Variants in MAML2 observed in about 807,000 individuals in gnomAD.
MAML2 encodes the protein mastermind like transcriptional coactivator 2.
MAML2 carries 22 observed loss-of-function variants against 96.1 expected under a neutral mutation model. The observed-to-expected ratio is 0.23, with a 90% CI of 0.16 to 0.33. The LOEUF is 0.33. MAML2 is among the 10% of genes least tolerant of loss of function. MAML2 has a pLI of 1.00. For missense variants in MAML2, 1,367 were observed against 1,392.4 expected (o/e 0.98, Z 0.29); for synonymous variants, 561 against 521.3 (o/e 1.08, Z -1.04).
chr11:96,262,063 A>C (rs565559304), intron 1 of MAML2, among the ~76,000 whole-genome samples: 1 of 152,344 alleles, frequency 6.6e-6, no homozygotes, highest in East Asian at 1.9e-4. Flanking sequence ...GTCCCAACCA[A>C]CATCTACTGA....
At chr11:96,260,376 C>G (rs956123061) in intron 1 of MAML2, among the ~76,000 whole-genome samples, 2 of 152,210 alleles carry the variant, frequency 1.3e-5, no homozygotes, top group Non-Finnish European at 2.9e-5. Flanking sequence ...ACACCCTTCT[C>G]AACTGTCTTA....
At chr11:96,270,978 T>A (rs567122670) in intron 1 of MAML2, among the ~76,000 whole-genome samples, 1 of 152,186 alleles carries the variant, frequency 6.6e-6, no homozygotes, top group Admixed American at 6.5e-5. Flanking sequence ...ACTTGCTGAG[T>A]CTTCTGGCCT....
rs577234586 is a variant in MAML2 at position 96,162,185 on chromosome 11, T to A, written c.514-68668A>T. On this transcript the variant is annotated intron_variant, in intron 1 of 4. Coordinates refer to ENST00000524717, the MANE Select transcript of MAML2 (RefSeq NM_032427.4). ...TACTTTATCAATCTAACTTTTTTTTTTTTTTTTTTTTTTTCTGCAATGAAC... is the reference window on the plus strand; with the variant it reads ...TACTTTATCAATCTAACTTTTTTTTATTTTTTTTTTTTTTCTGCAATGAAC... Among the ~76,000 whole-genome samples the A allele has an allele frequency of 2.0e-5, 3 of 149,984 alleles. No homozygotes were observed. The South Asian group carries it at 6.3e-4, about 32-fold the overall frequency.
At position 96,062,223 on chromosome 11, in the gene MAML2, G is replaced by A. The variant is rs116220211; in HGVS notation, c.2139+29669C>T. ...GGAAACAGAAAATTACTACAACTGT[G>A]ATGTGGCATTTATAATAAGTGCCTC... is the stretch of plus-strand genomic sequence containing the variant. On this transcript the variant is annotated intron_variant, in intron 2 of 4. Transcript: ENST00000524717. Among the ~76,000 whole-genome samples, 642 of 152,292 alleles carry A rather than the reference G, an allele frequency of 4.2e-3. 4 individuals are homozygous for A. The highest frequency in any genetic ancestry group is 0.015 in the African/African-American group (609 of 41,558).
chr11:96,024,697 A>T (rs934446095), intron 2 of MAML2, among the ~76,000 whole-genome samples: 6 of 152,170 alleles, frequency 3.9e-5, no homozygotes, highest in African/African-American at 1.4e-4. Context: ...CCTAAGGATC[A>T]TTTTTGGCTG....
chr11:96,145,296 T>A (rs1329729805), intron 1 of MAML2, among the ~76,000 whole-genome samples: 1 of 152,232 alleles, frequency 6.6e-6, no homozygotes, highest in Non-Finnish European at 1.5e-5. Context: ...ATGATATTGC[T>A]AAACCCTGTA....
intron 1 of MAML2, among the ~76,000 whole-genome samples, chr11:96,291,039 G>A: frequency 6.7e-6 from 1 of 149,054 alleles, no homozygotes. Flanking sequence ...AAAAAAGTTG[G>A]TAAATAAAGA....
At chr11:96,093,592 G>T in intron 1 of MAML2, 75 bp from the exon 2 acceptor site, 1 of 1,095,104 alleles carries the variant, frequency 9.1e-7, no homozygotes, top group Non-Finnish European at 1.3e-6. Context: ...AAAGTGATGT[G>T]ATATTTAAAT....
chr11:96,018,529 G>C (rs1858389006), intron 2 of MAML2, among the ~76,000 whole-genome samples: 1 of 152,218 alleles, frequency 6.6e-6, no homozygotes, highest in South Asian at 2.1e-4. Context: ...TAGCAAAGGA[G>C]AGTGCAAACC....
intron 1 of MAML2, among the ~76,000 whole-genome samples, chr11:96,196,667 C>T (rs972979668): frequency 1.3e-5 from 2 of 152,220 alleles, no homozygotes; most frequent in East Asian, 1.9e-4. Context: ...TATTACTTCT[C>T]GGCTGCCCCT....
chr11:96,076,430 T>TCACA (rs1248476184), intron 2 of MAML2, among the ~76,000 whole-genome samples: 24 of 136,516 alleles, frequency 1.8e-4, no homozygotes, highest in African/African-American at 5.8e-4. Flanking sequence ...TCTCTCTCTC[T>TCACA]CTCACACACA....
At chr11:96,053,761 C>T (rs572845316) in intron 2 of MAML2, among the ~76,000 whole-genome samples, 2 of 152,250 alleles carry the variant, frequency 1.3e-5, no homozygotes, top group South Asian at 2.1e-4. Flanking sequence ...AAGGAAGGGG[C>T]GACATTCTCC....
At chr11:96,217,094 C>T (rs755647895) in intron 1 of MAML2, among the ~76,000 whole-genome samples, 18 of 152,160 alleles carry the variant, frequency 1.2e-4, no homozygotes, top group African/African-American at 2.9e-4. Flanking sequence ...GATGCATAAG[C>T]GCATCCAACA....
chr11:96,124,066 C>CAGCAACG (rs1860395920), intron 1 of MAML2, among the ~76,000 whole-genome samples: 1 of 123,952 alleles, frequency 8.1e-6, no homozygotes, highest in East Asian at 2.3e-4. Context: ...AACGAGCAAC[C>CAGCAACG]AGCAACGAGC....
At chr11:96,114,331 CA>C (rs1190011605) in intron 1 of MAML2, among the ~76,000 whole-genome samples, 1 of 152,216 alleles carries the variant, frequency 6.6e-6, no homozygotes, top group Non-Finnish European at 1.5e-5. Flanking sequence ...GGTGAGAAAT[CA>C]GTCTAGAGGT....
chr11:96,068,829 C>CAA (rs538393436), intron 2 of MAML2, among the ~76,000 whole-genome samples: 36 of 76,668 alleles, frequency 4.7e-4, no homozygotes, highest in African/African-American at 1.6e-3. Context: ...GACTCCTTCT[C>CAA]AAAAAAAAAA....
At position 96,093,519 on chromosome 11, in the gene MAML2, T is replaced by C. The variant is rs760300321; in HGVS notation, c.514-2A>G. 45 of 1,581,540 alleles carry C rather than the reference T, an allele frequency of 2.8e-5. 1 individual carries two copies. The South Asian group carries it at 4.9e-4, about 17-fold the overall frequency. On this transcript the variant is annotated splice_acceptor_variant, in intron 1 of 4. Coordinates refer to ENST00000524717, the MANE Select transcript of MAML2 (RefSeq NM_032427.4). LOFTEE classifies it high-confidence loss of function. ...TTTTCTTTTCAAGGAACCCTGGAGC[T>C]GAAAGACAGAAGGGAATAAAAAGGA...
intron 2 of MAML2, among the ~76,000 whole-genome samples, chr11:96,085,907 T>C (rs1252929108): frequency 3.9e-5 from 6 of 152,186 alleles, no homozygotes; most frequent in African/African-American, 1.2e-4. Flanking sequence ...AGCTATTACA[T>C]ACTAGGATAA....
chr11:95,996,935 T>C (rs1858000452), intron 2 of MAML2, among the ~76,000 whole-genome samples: 1 of 152,192 alleles, frequency 6.6e-6, no homozygotes, highest in Non-Finnish European at 1.5e-5. Flanking sequence ...AAATCGCACA[T>C]TCTCAGCTGA....
Sources: gnomAD v4.1 joint callset for allele counts (sites outside exome capture counted in the v4.1 genomes callset) on GRCh38, gnomAD v4.1.1 for gene constraint, MANE v1.5 for transcripts, NCBI Gene and HGNC (gene_info 2026-07-23, HGNC 2026-07-21) for gene names.